Variants in WWP2 observed in about 807,000 individuals in gnomAD.
The protein encoded by WWP2 is NEDD4-like E3 ubiquitin-protein ligase WWP2.
A neutral mutation model predicts 121.0 loss-of-function variants in WWP2; 57 were observed. The ratio of observed to expected loss-of-function variants is 0.47; its 90% CI spans 0.38 to 0.59. The LOEUF is 0.59. Among genes scored for constraint, WWP2 ranks in the 20% least tolerant of loss-of-function variants. The pLI, the probability that WWP2 is intolerant of heterozygous loss-of-function variation, is 0.00. For missense variants in WWP2, 962 were observed against 1,158.9 expected, an observed-to-expected ratio of 0.83 and a Z score of 2.47; for synonymous variants, 449 against 441.3, an observed-to-expected ratio of 1.02 and a Z score of -0.22.
chr16:69,811,360 A>G (rs1294063685), intron 4 of WWP2, among the ~76,000 whole-genome samples: 1 of 152,016 alleles, frequency 6.6e-6, no homozygotes, highest in African/African-American at 2.4e-5. Context: ...TAATCCCAGC[A>G]TTTTGGGAGG....
chr16:69,810,284 T>C (rs1049663356), intron 4 of WWP2, among the ~76,000 whole-genome samples: 4 of 129,474 alleles, frequency 3.1e-5, no homozygotes, highest in Non-Finnish European at 4.9e-5. Context: ...CAACCTGGGC[T>C]GACTTCTCTC....
chr16:69,937,654 T>C lies in WWP2; in HGVS notation c.2343+2T>C, dbSNP rs1597192470. The C allele has an allele frequency of 1.2e-6, 2 of 1,613,426 alleles. No individual in the cohort carries two copies. The highest frequency in any genetic ancestry group is 1.7e-6 in the Non-Finnish European group (2 of 1,179,854). On this transcript the variant is annotated splice_donor_variant, in intron 21 of 23. Coordinates refer to ENST00000359154, the MANE Select transcript of WWP2 (RefSeq NM_001270454.2). LOFTEE classifies it high-confidence loss of function. This position sits in a 1 kb window ranked among gnomAD's most constrained non-coding sequence, Gnocchi z 6.6. ...AAGCAGATCCAGTGGTTCTGGCAGGTGGGTCCCGGGCCCAGGCCTTGGCAG... is the reference window on the plus strand; with the variant it reads ...AAGCAGATCCAGTGGTTCTGGCAGGCGGGTCCCGGGCCCAGGCCTTGGCAG...
chr16:69,939,454 AC>A, intron 23 of WWP2, 41 bp downstream of exon 23: 2 of 1,607,206 alleles, frequency 1.2e-6, no homozygotes. Context: ...GGGGCCTCAG[AC>A]CCGATGAGCT....
intron 16 of WWP2, among the ~76,000 whole-genome samples, chr16:69,932,772 T>G (rs2058736283): frequency 6.6e-6 from 1 of 152,158 alleles, no homozygotes; most frequent in African/African-American, 2.4e-5. Context: ...TCCAAAGCAT[T>G]GTCTTGCCTT....
chr16:69,876,079 C>T (rs1249738374), intron 7 of WWP2, among the ~76,000 whole-genome samples: 1 of 151,982 alleles, frequency 6.6e-6, no homozygotes, highest in African/African-American at 2.4e-5. Context: ...TACCTCAGTC[C>T]CAGGAGTAGC....
At chr16:69,939,279 A>G in intron 22 of WWP2, 62 bp from the exon 23 acceptor site, 1 of 1,602,852 alleles carries the variant, frequency 6.2e-7, no homozygotes, top group East Asian at 2.2e-5. Flanking sequence ...GTGGAGCCGG[A>G]GGATCCTGCT....
At position 69,838,445 on chromosome 16, in the gene WWP2, T is replaced by TA. The variant is rs3086443; in HGVS notation, c.341-1663dup. Among the ~76,000 whole-genome samples, 579 of 139,370 alleles carry TA rather than the reference T, an allele frequency of 4.2e-3. 3 individuals are homozygous for TA. Among genetic ancestry groups the TA allele is most frequent in the African/African-American group, 0.014 (521 of 37,176 alleles). 91.4% of individuals were successfully genotyped at this position (139,370 alleles called of 152,430 possible). ...TAGAGGAGGGAGACCCTCCTTGACTTAAAAAAAAAAAAAAAAAAGCCCACA... is the reference window on the plus strand; with the variant it reads ...TAGAGGAGGGAGACCCTCCTTGACTTAAAAAAAAAAAAAAAAAAAGCCCACA... On this transcript the variant is annotated intron_variant, in intron 4 of 23. Coordinates refer to ENST00000359154, the MANE Select transcript of WWP2 (RefSeq NM_001270454.2).
At chr16:69,887,439 A>AT (rs2057945213) in intron 7 of WWP2, among the ~76,000 whole-genome samples, 1 of 151,938 alleles carries the variant, frequency 6.6e-6, no homozygotes, top group Non-Finnish European at 1.5e-5. Context: ...TGTCAGGCAA[A>AT]TTTTTTGCAA....
intron 2 of WWP2, among the ~76,000 whole-genome samples, chr16:69,798,400 G>A (rs1277035826): frequency 6.6e-6 from 1 of 151,878 alleles, no homozygotes; most frequent in African/African-American, 2.4e-5. Context: ...AATAAAAGAT[G>A]AAAATCTGGA....
chr16:69,842,239 T>C lies in WWP2; in HGVS notation c.575+119T>C, dbSNP rs13334541. The C allele has an allele frequency of 2.0e-3, 1,870 of 940,234 alleles. 20 individuals carry two copies. The African/African-American group carries it at 0.027, about 14-fold the overall frequency. 58.2% of individuals were successfully genotyped at this position (940,234 alleles called of 1,614,324 possible). A position where few individuals can be genotyped will look rare whatever the true frequency, so the allele number is the denominator to read the frequency against. On this transcript the variant is annotated intron_variant, in intron 6 of 23. Coordinates refer to ENST00000359154, the MANE Select transcript of WWP2 (RefSeq NM_001270454.2). ...AACTGTTGGAGATTTCCAGAGATCT[T>C]GTAACTGACTCAGTAGTTAAGAAAG...
chr16:69,790,286 C>T (rs896289764), intron 2 of WWP2, among the ~76,000 whole-genome samples: 8 of 151,904 alleles, frequency 5.3e-5, no homozygotes, highest in South Asian at 2.1e-4. Context: ...TTGATTAACA[C>T]GTATTTTGTA....
chr16:69,818,539 G>A (rs76094505), intron 4 of WWP2, among the ~76,000 whole-genome samples: 2,407 of 152,208 alleles, frequency 0.016, 31 homozygotes, highest in South Asian at 0.051. Context: ...CCAGTGAGGT[G>A]TTCTGCTGCT....
At chr16:69,869,927 T>A (rs1057363414) in intron 6 of WWP2, among the ~76,000 whole-genome samples, 1 of 152,180 alleles carries the variant, frequency 6.6e-6, no homozygotes, top group Non-Finnish European at 1.5e-5. Context: ...ATCCTCCCAA[T>A]GGGGAACTTT....
At chr16:69,850,789 T>C (rs1397864938) in intron 6 of WWP2, among the ~76,000 whole-genome samples, 3 of 152,128 alleles carry the variant, frequency 2.0e-5, no homozygotes, top group Non-Finnish European at 4.4e-5. Flanking sequence ...CAGCCTGCCA[T>C]CTGCTTTTTT....
chr16:69,791,213 T>C (rs896850276), intron 2 of WWP2, among the ~76,000 whole-genome samples: 5 of 151,094 alleles, frequency 3.3e-5, no homozygotes, highest in Non-Finnish European at 7.4e-5. Context: ...GCACACTTAC[T>C]TCTTTTCTTT....
At chr16:69,902,765 C>T (rs544478789) in intron 8 of WWP2, among the ~76,000 whole-genome samples, 2 of 152,240 alleles carry the variant, frequency 1.3e-5, no homozygotes, top group South Asian at 2.1e-4. Flanking sequence ...GGGGACCAAA[C>T]CAAGACAGTC....
In WWP2 at chr16:69,796,705, C is replaced by A. The variant is rs114226802; in HGVS notation, c.71-1977C>A. On this transcript the variant is annotated intron_variant, in intron 2 of 23. Transcript: ENST00000359154. The stretch of plus-strand genomic sequence containing the variant: ...CTTACCACCAGGTGGCCTCAGTTAA[C>A]CTTGGTCCGTGTGTAAATCACTGCA... Among the ~76,000 whole-genome samples the A allele has an allele frequency of 6.5e-3, 987 of 152,314 alleles. 12 individuals are homozygous for A. The highest frequency in any genetic ancestry group is 0.022 in the African/African-American group (915 of 41,570).
At position 69,798,600 on chromosome 16, in the gene WWP2, A is replaced by T. The variant is rs577199201; in HGVS notation, c.71-82A>T. The T allele has an allele frequency of 6.1e-6, 9 of 1,467,576 alleles. No homozygotes were observed. The Admixed American group carries it at 2.0e-4, about 32-fold the overall frequency. The allele number at this position is 1,467,576 out of a possible 1,614,324, so 90.9% of individuals were successfully genotyped here. A position where few individuals can be genotyped will look rare whatever the true frequency, so the allele number is the denominator to read the frequency against. The stretch of plus-strand genomic sequence containing the variant: ...GATTTATTTTTTAAAGCAATAACTA[A>T]AAAGAGCCGGAACATCTGCCACAGG... On this transcript the variant is annotated intron_variant, in intron 2 of 23. Coordinates refer to ENST00000359154, the MANE Select transcript of WWP2 (RefSeq NM_001270454.2).
chr16:69,775,375 T>C (rs2055503249), intron 1 of WWP2, among the ~76,000 whole-genome samples: 1 of 152,192 alleles, frequency 6.6e-6, no homozygotes, highest in South Asian at 2.1e-4. Flanking sequence ...TCCTGTTTTC[T>C]TAAATGCCAA....
Sources: allele counts gnomAD v4.1 joint callset (sites outside exome capture counted in the v4.1 genomes callset), GRCh38; gene constraint gnomAD v4.1.1; non-coding constraint Gnocchi (gnomAD v3.1); transcripts MANE v1.5; gene names NCBI Gene and HGNC (gene_info 2026-07-23, HGNC 2026-07-21).